Variants in TSHZ3 observed in about 807,000 individuals in gnomAD.
The protein encoded by TSHZ3 is teashirt homolog 3.
TSHZ3 carries 10 observed loss-of-function variants against 64.5 expected under a neutral mutation model. The observed-to-expected ratio is 0.16, with a 90% CI of 0.10 to 0.26. The LOEUF (loss-of-function observed/expected upper bound fraction) is 0.26. TSHZ3 is among the 10% of genes least tolerant of loss of function. The pLI is 1.00. For missense variants in TSHZ3, 1,242 were observed against 1,421.7 expected, an observed-to-expected ratio of 0.87 and a Z score of 2.03; for synonymous variants, 608 against 593.1, an observed-to-expected ratio of 1.03 and a Z score of -0.36.
intron 5 of TSHZ3, among the ~76,000 whole-genome samples, chr19:31,185,710 T>C (rs545685157): frequency 3.5e-4 from 53 of 152,352 alleles, no homozygotes; most frequent in Admixed American, 3.0e-3. Context: ...GACACATAAG[T>C]GTAGAGACAG....
chr19:31,254,495 C>T (rs951351104), intron 1 of TSHZ3, among the ~76,000 whole-genome samples: 1 of 152,236 alleles, frequency 6.6e-6, no homozygotes, highest in Non-Finnish European at 1.5e-5. Flanking sequence ...ATAAAACACG[C>T]TGTGGCTCGC....
chr19:31,320,971 C>T (rs994712971), intron 1 of TSHZ3, among the ~76,000 whole-genome samples: 5 of 152,260 alleles, frequency 3.3e-5, no homozygotes, highest in South Asian at 2.1e-4. Context: ...ACAGGTCATC[C>T]GGCCCAGAGC....
chr19:31,288,470 CAGG>C (rs1294257437), intron 1 of TSHZ3, among the ~76,000 whole-genome samples: 1 of 152,164 alleles, frequency 6.6e-6, no homozygotes, highest in Non-Finnish European at 1.5e-5. Context: ...AAGGAAATGG[CAGG>C]AGGAGACAGG....
chr19:31,257,539 G>A (rs780502341), intron 1 of TSHZ3, among the ~76,000 whole-genome samples: 3 of 152,192 alleles, frequency 2.0e-5, no homozygotes, highest in Non-Finnish European at 4.4e-5. Context: ...GGACCCCTCT[G>A]GAGGACCCCG....
intron 1 of TSHZ3, among the ~76,000 whole-genome samples, chr19:31,313,136 G>A (rs1916506575): frequency 6.6e-6 from 1 of 152,122 alleles, no homozygotes; most frequent in Admixed American, 6.5e-5. Context: ...AACAGTCACA[G>A]AGGCTTCCAG....
intron 1 of TSHZ3, among the ~76,000 whole-genome samples, chr19:31,348,227 G>A (rs2021571351): frequency 6.6e-6 from 1 of 152,144 alleles, no homozygotes; most frequent in Non-Finnish European, 1.5e-5. Context: ...ATTTATTGAT[G>A]TTTATTGGGA....
chr19:31,206,618 T>G (rs1210282015), intron 4 of TSHZ3, among the ~76,000 whole-genome samples: 2 of 152,102 alleles, frequency 1.3e-5, no homozygotes, highest in Non-Finnish European at 2.9e-5. Context: ...ATACTTAAAC[T>G]GCAGCAAGAA....
intron 1 of TSHZ3, among the ~76,000 whole-genome samples, chr19:31,306,623 C>T (rs904612693): frequency 1.3e-5 from 2 of 152,182 alleles, no homozygotes; most frequent in African/African-American, 4.8e-5. Flanking sequence ...CCAGGCAGCA[C>T]AGAACCTGGG....
chr19:31,199,991 G>C (rs1041503471), intron 5 of TSHZ3, among the ~76,000 whole-genome samples: 3 of 151,486 alleles, frequency 2.0e-5, no homozygotes, highest in African/African-American at 7.3e-5. Flanking sequence ...TGTCATTAGG[G>C]AAATGCAAAT....
chr19:31,336,504 G>A (rs535589012), intron 1 of TSHZ3, among the ~76,000 whole-genome samples: 83 of 152,316 alleles, frequency 5.4e-4, no homozygotes, highest in African/African-American at 1.9e-3. Context: ...AGCTTACTCT[G>A]AGCATCTTGA....
intron 5 of TSHZ3, among the ~76,000 whole-genome samples, chr19:31,194,129 G>T (rs1974952037): frequency 6.6e-6 from 1 of 152,188 alleles, no homozygotes; most frequent in Non-Finnish European, 1.5e-5. Flanking sequence ...CCAAAGTCGG[G>T]AAATCTGAAC....
intron 4 of TSHZ3, among the ~76,000 whole-genome samples, chr19:31,226,591 A>T (rs1003564216): frequency 5.3e-5 from 8 of 152,128 alleles, no homozygotes; most frequent in African/African-American, 1.7e-4. Context: ...GTGAAAATGG[A>T]CTAATACACC....
intron 1 of TSHZ3, among the ~76,000 whole-genome samples, chr19:31,305,318 GAAAA>G (rs34646379): frequency 7.2e-6 from 1 of 139,666 alleles, no homozygotes; most frequent in Non-Finnish European, 1.6e-5. Flanking sequence ...GTCTGGAAAG[GAAAA>G]AAAAAAAAAG....
intron 3 of TSHZ3, among the ~76,000 whole-genome samples, chr19:31,238,358 C>T (rs770326267): frequency 6.6e-6 from 1 of 151,468 alleles, no homozygotes; most frequent in Non-Finnish European, 1.5e-5. Flanking sequence ...CAGGTTCAAG[C>T]GATTCTCTTG....
At chr19:31,327,244 C>G (rs1304359848) in intron 1 of TSHZ3, among the ~76,000 whole-genome samples, 1 of 152,212 alleles carries the variant, frequency 6.6e-6, no homozygotes, top group Non-Finnish European at 1.5e-5. Flanking sequence ...ACCTGTAGCT[C>G]GAGGTTCTAG....
chr19:31,198,820 A>C (rs1179842084), intron 5 of TSHZ3, among the ~76,000 whole-genome samples: 1 of 152,218 alleles, frequency 6.6e-6, no homozygotes, highest in African/African-American at 2.4e-5. Flanking sequence ...CATGGATAGA[A>C]AGATTTAATA....
At chr19:31,305,708 G>T (rs1490371456) in intron 1 of TSHZ3, 1 of 152,162 alleles carries the variant, frequency 6.6e-6, no homozygotes, top group Non-Finnish European at 1.5e-5. Flanking sequence ...TGCCCACTCT[G>T]TTTAGAGCAA....
At chr19:31,334,429 A>G (rs2145187076) in intron 1 of TSHZ3, among the ~76,000 whole-genome samples, 1 of 152,306 alleles carries the variant, frequency 6.6e-6, no homozygotes, top group African/African-American at 2.4e-5. Context: ...TGTTAGGCAG[A>G]TGAGTAATAA....
chr19:31,228,427 G>A (rs1975498795), intron 3 of TSHZ3, among the ~76,000 whole-genome samples: 1 of 151,454 alleles, frequency 6.6e-6, no homozygotes, highest in African/African-American at 2.4e-5. Flanking sequence ...TCCAGAGGCT[G>A]AGGGGGGAGG....
Sources: gnomAD v4.1 joint callset for allele counts (sites outside exome capture counted in the v4.1 genomes callset) on GRCh38, gnomAD v4.1.1 for gene constraint, MANE v1.5 for transcripts, NCBI Gene and HGNC (gene_info 2026-07-23, HGNC 2026-07-21) for gene names.